FBXW8: variants seen among roughly 807,000 people sequenced by gnomAD.
FBXW8 encodes the protein F-box/WD repeat-containing protein 8.
In FBXW8, 57 loss-of-function variants were observed where a neutral mutation model predicts 65.3. The observed-to-expected ratio is 0.87, with a 90% CI of 0.71 to 1.09. The LOEUF is 1.09. FBXW8 is among the 50% of genes least tolerant of loss of function. FBXW8 has a pLI of 0.00. For synonymous variants in FBXW8, 308 were observed against 330.2 expected (o/e 0.93, Z 0.73); for missense variants, 777 against 814.8 (o/e 0.95, Z 0.57).
At chr12:116,974,744 C>CA (rs1263765815) in intron 5 of FBXW8, among the ~76,000 whole-genome samples, 3 of 151,904 alleles carry the variant, frequency 2.0e-5, no homozygotes, top group Non-Finnish European at 4.4e-5. Flanking sequence ...CACCTGCCTC[C>CA]AAAAAAAGAA....
chr12:117,028,535 C>T lies in FBXW8; in HGVS notation c.*363C>T, dbSNP rs1028080709. 9.2e-5 allele frequency: 19 copies of T among 206,582 alleles called. No individual in the cohort carries two copies. The highest frequency in any genetic ancestry group is 3.0e-5 in the Non-Finnish European group (3 of 100,130). 12.8% of individuals were successfully genotyped at this position (206,582 alleles called of 1,614,324 possible). On this transcript the variant is annotated 3_prime_UTR_variant, in exon 11 of 11. Coordinates refer to ENST00000652555, the MANE Select transcript of FBXW8 (RefSeq NM_153348.3). This position sits in a 1 kb window ranked among gnomAD's most constrained non-coding sequence, Gnocchi z 4.1. ...CCCTCCCAGCTCCAGCCCTGCAGGC[C>T]GTCTTTTCCGTCTCCAGCCCCTTAC...
At chr12:116,940,244 A>G (rs981102294) in intron 2 of FBXW8, among the ~76,000 whole-genome samples, 27 of 147,752 alleles carry the variant, frequency 1.8e-4, no homozygotes, top group African/African-American at 6.8e-4. Context: ...CTTTAGCACC[A>G]TCCTGGTTAT....
At chr12:116,919,260 TC>T (rs980012929) in intron 1 of FBXW8, among the ~76,000 whole-genome samples, 12 of 152,224 alleles carry the variant, frequency 7.9e-5, no homozygotes, top group Admixed American at 3.9e-4. Context: ...AAGTCTTGTT[TC>T]TTTTAACTAA....
At chr12:117,020,792 G>A (rs1320132864) in intron 8 of FBXW8, among the ~76,000 whole-genome samples, 1 of 152,156 alleles carries the variant, frequency 6.6e-6, no homozygotes, top group Non-Finnish European at 1.5e-5. Flanking sequence ...CTCCTGTCTG[G>A]TTTTCAGCTC....
At chr12:116,937,732 T>C (rs1882265560) in intron 2 of FBXW8, among the ~76,000 whole-genome samples, 1 of 151,886 alleles carries the variant, frequency 6.6e-6, no homozygotes, top group Admixed American at 6.6e-5. Flanking sequence ...ATGTGGTGTG[T>C]CCTCCCACAG....
intron 2 of FBXW8, among the ~76,000 whole-genome samples, chr12:116,943,566 G>A (rs1480214824): frequency 6.6e-6 from 1 of 152,138 alleles, no homozygotes; most frequent in Non-Finnish European, 1.5e-5. Context: ...CTGTATATTG[G>A]GGTACTGCTT....
chr12:116,984,266 A>G lies in FBXW8; in HGVS notation c.836-940A>G, dbSNP rs372363018. On this transcript the variant is annotated intron_variant, in intron 5 of 10. Coordinates refer to ENST00000652555, the MANE Select transcript of FBXW8 (RefSeq NM_153348.3). ...GTCCTAAACTCCAGTGGACATCCCC[A>G]GAGTTACTGGTGCCTGACAGTCTGC... 3.3e-5 allele frequency among the ~76,000 whole-genome samples: 5 copies of G among 152,330 alleles called. No homozygotes were observed. In the East Asian group the frequency reaches 9.6e-4, roughly 29 times the overall value.
intron 7 of FBXW8, among the ~76,000 whole-genome samples, chr12:117,000,471 G>A (rs954526733): frequency 1.3e-5 from 2 of 152,258 alleles, no homozygotes; most frequent in Admixed American, 6.5e-5. Flanking sequence ...AGAATCTACA[G>A]GAGACCTGAT....
At chr12:116,927,944 G>A in intron 1 of FBXW8, 79 bp from the exon 2 acceptor site, 1 of 812,796 alleles carries the variant, frequency 1.2e-6, no homozygotes, top group South Asian at 1.7e-5. Context: ...AATATCTCTG[G>A]TCATTTAAAG....
Position 116,988,762 on chromosome 12 carries a change from A to T in FBXW8, c.1132A>T (p.Arg378Ter). ...CCTGCTCAAAGCCGAAGACTCCGCC[A>T]GAACCCTCCTTTACGCCCACGGCCC... The part of the protein sequence containing the change: ...MYLLKAEDSA[R>*]TLLYAHGPPV... Residue 378 changes from arginine (R) to a stop codon, truncating the protein, a stop_gained, in exon 7 of 11, where the codon AGA becomes TGA. Coordinates refer to ENST00000652555, the MANE Select transcript of FBXW8 (RefSeq NM_153348.3). LOFTEE classifies it high-confidence loss of function. The T allele has an allele frequency of 6.2e-7, 1 of 1,614,220 alleles. No individual in the cohort carries two copies. The highest frequency in any genetic ancestry group is 8.5e-7 in the Non-Finnish European group (1 of 1,180,040).
At chr12:116,957,078 G>T (rs1314313472) in intron 4 of FBXW8, among the ~76,000 whole-genome samples, 6 of 152,178 alleles carry the variant, frequency 3.9e-5, no homozygotes, top group Non-Finnish European at 5.9e-5. Context: ...GCCGGGCACA[G>T]TGGCATGCCT....
At chr12:117,023,000 A>G (rs755377064) in intron 8 of FBXW8, among the ~76,000 whole-genome samples, 4 of 152,346 alleles carry the variant, frequency 2.6e-5, no homozygotes, top group African/African-American at 9.6e-5. Context: ...GTATTTTGCT[A>G]TGCCACTTTC....
intron 2 of FBXW8, among the ~76,000 whole-genome samples, chr12:116,930,189 A>G (rs1308534963): frequency 1.3e-5 from 2 of 152,242 alleles, no homozygotes; most frequent in African/African-American, 4.8e-5. Context: ...ATGTATACCC[A>G]GCAACCAGAA....
chr12:116,910,970 C>G lies in FBXW8; in HGVS notation c.-68C>G, dbSNP rs1206234307. On this transcript the variant is annotated 5_prime_UTR_variant, in exon 1 of 11. Coordinates refer to ENST00000652555, the MANE Select transcript of FBXW8 (RefSeq NM_153348.3). ...GGCTTCCGGCCGCGGCGGACACTTC[C>G]CTGGGCGGGACTGTCTCGTGGCACC... is the stretch of plus-strand genomic sequence containing the variant. The G allele has an allele frequency of 2.3e-6, 3 of 1,287,818 alleles. No individual in the cohort carries two copies. Among genetic ancestry groups the G allele is most frequent in the East Asian group, 3.2e-5 (1 of 31,644 alleles). The allele number at this position is 1,287,818 out of a possible 1,614,324, so 79.8% of individuals were successfully genotyped here.
At chr12:116,920,582 A>G (rs1015578987) in intron 1 of FBXW8, among the ~76,000 whole-genome samples, 2 of 152,220 alleles carry the variant, frequency 1.3e-5, no homozygotes, top group African/African-American at 2.4e-5. Context: ...GTGCTGTCCA[A>G]CAGGGTCTTT....
intron 6 of FBXW8, among the ~76,000 whole-genome samples, chr12:116,988,263 T>TA (rs1301066811): frequency 3.9e-5 from 6 of 152,212 alleles, no homozygotes; most frequent in Admixed American, 3.3e-4. Flanking sequence ...GGTATTTTGA[T>TA]AAGAGTAGCC....
chr12:116,915,350 T>A (rs1880321777), intron 1 of FBXW8, among the ~76,000 whole-genome samples: 1 of 152,234 alleles, frequency 6.6e-6, no homozygotes, highest in Non-Finnish European at 1.5e-5. Flanking sequence ...GAATTGTCTT[T>A]AAACATGGCC....
At chr12:116,998,252 A>G (rs1953429309) in intron 7 of FBXW8, among the ~76,000 whole-genome samples, 1 of 152,236 alleles carries the variant, frequency 6.6e-6, no homozygotes, top group Non-Finnish European at 1.5e-5. Flanking sequence ...GCGAAGCCTT[A>G]TTGGAGAGGG....
intron 2 of FBXW8, among the ~76,000 whole-genome samples, chr12:116,943,122 A>G (rs1171044144): frequency 6.6e-6 from 1 of 151,934 alleles, no homozygotes; most frequent in Non-Finnish European, 1.5e-5. Context: ...TTATTTCTTT[A>G]GACATGCTTT....
Sources: allele counts gnomAD v4.1 joint callset (sites outside exome capture counted in the v4.1 genomes callset), GRCh38; gene constraint gnomAD v4.1.1; non-coding constraint Gnocchi (gnomAD v3.1); transcripts MANE v1.5; gene names NCBI Gene and HGNC (gene_info 2026-07-23, HGNC 2026-07-21).